Variants in FMNL2 observed in about 807,000 individuals in gnomAD.
FMNL2 encodes the protein formin like 2.
In FMNL2, 51 loss-of-function variants were observed where a neutral mutation model predicts 130.2. The ratio of observed to expected loss-of-function variants is 0.39; its 90% CI spans 0.31 to 0.49. The LOEUF is 0.49. Ranked by LOEUF, FMNL2 falls within the 20% of genes least tolerant of loss-of-function variation. The pLI is 0.85. For synonymous variants in FMNL2, 465 were observed against 467.1 expected (o/e 1.00, Z 0.06); for missense variants, 977 against 1,316.2 (o/e 0.74, Z 3.99).
intron 9 of FMNL2, among the ~76,000 whole-genome samples, chr2:152,585,217 T>C (rs1375496230): frequency 1.3e-5 from 2 of 152,182 alleles, no homozygotes; most frequent in Non-Finnish European, 2.9e-5. Flanking sequence ...TGTTGAAATA[T>C]CTCTTAACGA....
At chr2:152,589,563 C>T (rs1374010443) in intron 9 of FMNL2, among the ~76,000 whole-genome samples, 2 of 152,138 alleles carry the variant, frequency 1.3e-5, no homozygotes, top group African/African-American at 2.4e-5. Flanking sequence ...TAAACATGAG[C>T]TTTCACTTGG....
chr2:152,605,824 G>T (rs973673803), intron 9 of FMNL2, among the ~76,000 whole-genome samples: 1 of 152,168 alleles, frequency 6.6e-6, no homozygotes, highest in East Asian at 1.9e-4. Context: ...TCACTTTAAC[G>T]TTCCCAGCGT....
At chr2:152,543,729 C>CAAAAAAAAAAA (rs71394490) in intron 3 of FMNL2, among the ~76,000 whole-genome samples, 1 of 61,396 alleles carries the variant, frequency 1.6e-5, no homozygotes, top group East Asian at 4.9e-4. Flanking sequence ...ACCCCCCGAC[C>CAAAAAAAAAAA]AAAAAAAAAA....
intron 1 of FMNL2, among the ~76,000 whole-genome samples, chr2:152,393,128 T>C (rs1473381676): frequency 2.0e-5 from 3 of 152,210 alleles, no homozygotes; most frequent in Non-Finnish European, 2.9e-5. Context: ...GATGTCTTCA[T>C]TGAAACTATG....
intron 1 of FMNL2, among the ~76,000 whole-genome samples, chr2:152,514,533 T>C (rs765686463): frequency 6.6e-6 from 1 of 152,182 alleles, no homozygotes; most frequent in Non-Finnish European, 1.5e-5. Context: ...TACTATTTTA[T>C]AGTAATCCTC....
intron 9 of FMNL2, among the ~76,000 whole-genome samples, chr2:152,593,860 A>AGAGAGTGTGTGT (rs1365489869): frequency 1.8e-5 from 2 of 113,348 alleles, no homozygotes; most frequent in African/African-American, 7.0e-5. Context: ...AGAGAGAGAG[A>AGAGAGTGTGTGT]GTGTGTGTGT....
At chr2:152,366,479 A>T (rs1251503813) in intron 1 of FMNL2, among the ~76,000 whole-genome samples, 1 of 140,958 alleles carries the variant, frequency 7.1e-6, no homozygotes, top group South Asian at 2.2e-4. Flanking sequence ...GTTTGCCAAC[A>T]ACAACAACAA....
At chr2:152,390,019 A>G in intron 1 of FMNL2, 1 of 1,581,292 alleles carries the variant, frequency 6.3e-7, no homozygotes, top group Non-Finnish European at 8.7e-7. Flanking sequence ...CAGAAAAAGG[A>G]TGCAGAGAAT....
At chr2:152,503,535 T>C (rs1691978060) in intron 1 of FMNL2, among the ~76,000 whole-genome samples, 1 of 152,010 alleles carries the variant, frequency 6.6e-6, no homozygotes, top group African/African-American at 2.4e-5. Flanking sequence ...TACACGGATG[T>C]AGGAGAATGT....
At chr2:152,383,599 A>C (rs1684617982) in intron 1 of FMNL2, among the ~76,000 whole-genome samples, 1 of 152,094 alleles carries the variant, frequency 6.6e-6, no homozygotes, top group Non-Finnish European at 1.5e-5. Flanking sequence ...ATTTCATAAA[A>C]GGTAGCTGCT....
intron 9 of FMNL2, among the ~76,000 whole-genome samples, chr2:152,582,273 C>T (rs1370985974): frequency 6.6e-6 from 1 of 152,120 alleles, no homozygotes; most frequent in Non-Finnish European, 1.5e-5. Context: ...GCTATTTCCC[C>T]TGCCTCCTAC....
intron 21 of FMNL2, among the ~76,000 whole-genome samples, 170 bp from the exon 22 acceptor site, chr2:152,636,257 G>A (rs566621250): frequency 6.6e-6 from 1 of 152,336 alleles, no homozygotes; most frequent in South Asian, 2.1e-4. Context: ...GTAATGTAGT[G>A]CTTATAATGC....
chr2:152,347,598 G>A (rs571120985), intron 1 of FMNL2, among the ~76,000 whole-genome samples: 2 of 151,990 alleles, frequency 1.3e-5, no homozygotes, highest in Admixed American at 6.6e-5. Flanking sequence ...TTGGAATTAC[G>A]GATATGTAGG....
Position 152,615,177 on chromosome 2 carries a change from T to C in FMNL2, c.1212+177T>C, listed in dbSNP as rs529949492. Among the ~76,000 whole-genome samples the C allele has an allele frequency of 4.6e-5, 7 of 152,180 alleles. No individual in the cohort carries two copies. The South Asian group carries it at 1.2e-3, about 27-fold the overall frequency. On this transcript the variant is annotated intron_variant, in intron 12 of 25. Coordinates refer to ENST00000288670, the MANE Select transcript of FMNL2 (RefSeq NM_052905.4). ...TTTTTTCCAAAAAGCAGATGTGTTA[T>C]GTAAAATGAAATAGAATCTGTTGCT...
At chr2:152,480,633 TAAAAAAAAAAAAAAAA>T (rs58943356) in intron 1 of FMNL2, among the ~76,000 whole-genome samples, 3,453 of 37,706 alleles carry the variant, frequency 0.092, 236 homozygotes, top group African/African-American at 0.24. Flanking sequence ...AGACTCTGTC[TAAAAAAAAAAAAAAAA>T]AAAAAAAAAA....
intron 1 of FMNL2, among the ~76,000 whole-genome samples, chr2:152,348,927 C>T (rs1048108536): frequency 7.0e-5 from 9 of 128,898 alleles, no homozygotes; most frequent in East Asian, 2.1e-4. Flanking sequence ...CTCCGCTTCC[C>T]GGGTTCACGC....
At chr2:152,507,838 C>G (rs753696897) in intron 1 of FMNL2, among the ~76,000 whole-genome samples, 3 of 151,924 alleles carry the variant, frequency 2.0e-5, no homozygotes, top group Non-Finnish European at 4.4e-5. Flanking sequence ...AATTTAGTTA[C>G]TTGCCAGAGT....
intron 6 of FMNL2, among the ~76,000 whole-genome samples, chr2:152,572,049 G>C (rs1196033568): frequency 1.3e-5 from 2 of 152,140 alleles, no homozygotes; most frequent in African/African-American, 4.8e-5. Context: ...ACACCAGGTA[G>C]TAAGATTTTC....
At chr2:152,340,417 A>G (rs964969785) in intron 1 of FMNL2, among the ~76,000 whole-genome samples, 3 of 152,330 alleles carry the variant, frequency 2.0e-5, no homozygotes, top group East Asian at 3.9e-4. Context: ...AATTCTTCAG[A>G]AGTGACTGAA....
Sources: allele counts gnomAD v4.1 joint callset (sites outside exome capture counted in the v4.1 genomes callset), GRCh38; gene constraint gnomAD v4.1.1; transcripts MANE v1.5; gene names NCBI Gene and HGNC (gene_info 2026-07-23, HGNC 2026-07-21).